The following RNF150 variants were observed in gnomAD, a reference collection of about 807,000 sequenced individuals.
RNF150 encodes the protein ring finger protein 150.
Under a neutral mutation model 39.3 loss-of-function variants are expected in RNF150, and 24 were observed. The ratio of observed to expected loss-of-function variants is 0.61; its 90% CI spans 0.44 to 0.86. The LOEUF (loss-of-function observed/expected upper bound fraction) is 0.86. RNF150 is among the 40% of genes least tolerant of loss of function. RNF150 has a pLI of 0.00. For missense variants in RNF150, 502 were observed against 587.8 expected (o/e 0.85, Z 1.51); for synonymous variants, 255 against 227.3 (o/e 1.12, Z -1.10).
At chr4:141,050,652 C>T (rs2110888587) in intron 1 of RNF150, among the ~76,000 whole-genome samples, 1 of 152,304 alleles carries the variant, frequency 6.6e-6, no homozygotes, top group Non-Finnish European at 1.5e-5. Context: ...CCTTTGACTC[C>T]ATGTCTTACA....
At chr4:141,035,906 C>G (rs750775285) in intron 1 of RNF150, among the ~76,000 whole-genome samples, 1 of 151,990 alleles carries the variant, frequency 6.6e-6, no homozygotes, top group Non-Finnish European at 1.5e-5. Context: ...CGAAATAACA[C>G]GACATAACAT....
At chr4:140,986,987 T>G (rs13143140) in intron 1 of RNF150, among the ~76,000 whole-genome samples, 1 of 151,856 alleles carries the variant, frequency 6.6e-6, no homozygotes, top group South Asian at 2.1e-4. Flanking sequence ...ACCGTTCAAG[T>G]TGAGAGCCAA....
At chr4:141,148,928 C>T (rs1425312014) in intron 1 of RNF150, among the ~76,000 whole-genome samples, 2 of 152,186 alleles carry the variant, frequency 1.3e-5, no homozygotes, top group East Asian at 3.8e-4. Context: ...TCCTCCTCAG[C>T]TCCTGGCTTT....
intron 1 of RNF150, among the ~76,000 whole-genome samples, chr4:141,142,851 T>C (rs1727143331): frequency 6.6e-6 from 1 of 151,952 alleles, no homozygotes; most frequent in African/African-American, 2.4e-5. Context: ...TCTACCCCCA[T>C]TCTAGGTATC....
intron 1 of RNF150, among the ~76,000 whole-genome samples, chr4:141,087,210 C>T (rs1469209169): frequency 6.6e-6 from 1 of 152,102 alleles, no homozygotes; most frequent in Non-Finnish European, 1.5e-5. Flanking sequence ...TCATTTAGCT[C>T]GCACTTATAA....
At chr4:141,178,587 C>T (rs575171130) in intron 1 of RNF150, among the ~76,000 whole-genome samples, 3 of 152,222 alleles carry the variant, frequency 2.0e-5, no homozygotes, top group African/African-American at 7.2e-5. Context: ...AAGATTCCCA[C>T]TTTTCCTTCA....
rs990079547 is a variant in RNF150 at position 140,866,805 on chromosome 4, T to C, written c.*1456A>G. The stretch of plus-strand genomic sequence containing the variant: ...AGAGATAAGGTGATCCGTCTGATTG[T>C]TCAGAGACGCTATCAATGACCTTAG... On this transcript the variant is annotated 3_prime_UTR_variant, in exon 7 of 7. Transcript: ENST00000515673. 14 of 151,940 alleles carry C rather than the reference T, an allele frequency of 9.2e-5. No homozygotes were observed. The highest frequency in any genetic ancestry group is 2.7e-4 in the African/African-American group (11 of 41,346). 9.4% of individuals were successfully genotyped at this position (151,940 alleles called of 1,614,324 possible). A position where few individuals can be genotyped will look rare whatever the true frequency, so the allele number is the denominator to read the frequency against.
chr4:141,132,934 G>T lies in RNF150; in HGVS notation c.-126C>A. 1 of 736,130 alleles carries T rather than the reference G, an allele frequency of 1.4e-6. No individual in the cohort carries two copies. The highest frequency in any genetic ancestry group is 2.1e-6 in the Non-Finnish European group (1 of 478,456). The allele number at this position is 736,130 out of a possible 1,614,324, so 45.6% of individuals were successfully genotyped here. Reference sequence around the variant, plus strand: ...TGCTGCTCACTCCCGGGCCGGAGGGGCCGCGGCCGGGACGCGCAGCCGCCG... The same window carrying T: ...TGCTGCTCACTCCCGGGCCGGAGGGTCCGCGGCCGGGACGCGCAGCCGCCG... On this transcript the variant is annotated 5_prime_UTR_variant, in exon 1 of 7. Coordinates refer to ENST00000515673, the MANE Select transcript of RNF150 (RefSeq NM_020724.2). This position sits in a 1 kb window ranked among gnomAD's most constrained non-coding sequence, Gnocchi z 4.9.
At chr4:140,916,981 C>T (rs1264591505) in intron 5 of RNF150, among the ~76,000 whole-genome samples, 1 of 152,122 alleles carries the variant, frequency 6.6e-6, no homozygotes, top group Non-Finnish European at 1.5e-5. Flanking sequence ...CCTTTACAGA[C>T]AAGCAAATGC....
chr4:141,201,502 T>G (rs1018040644), intron 1 of RNF150, among the ~76,000 whole-genome samples: 3 of 151,688 alleles, frequency 2.0e-5, no homozygotes, highest in Non-Finnish European at 2.9e-5. Context: ...TTGGTGTGTC[T>G]TCCAGAAGGT....
intron 1 of RNF150, among the ~76,000 whole-genome samples, chr4:141,013,315 G>A (rs1735145342): frequency 6.6e-6 from 1 of 152,166 alleles, no homozygotes; most frequent in Admixed American, 6.5e-5. Context: ...GATAATTTCT[G>A]AAGCTGTATT....
chr4:141,200,719 A>G (rs1424640668), intron 1 of RNF150, among the ~76,000 whole-genome samples: 1 of 152,238 alleles, frequency 6.6e-6, no homozygotes, highest in Non-Finnish European at 1.5e-5. Context: ...AAAAAAATGT[A>G]TGAAAATAAA....
chr4:141,058,518 G>A (rs1737083548), intron 1 of RNF150, among the ~76,000 whole-genome samples: 1 of 152,068 alleles, frequency 6.6e-6, no homozygotes, highest in Admixed American at 6.6e-5. Flanking sequence ...AGTAACAGTT[G>A]CCGAATATTC....
At chr4:140,999,985 A>AAG (rs1734552461) in intron 1 of RNF150, among the ~76,000 whole-genome samples, 1 of 38,952 alleles carries the variant, frequency 2.6e-5, no homozygotes, top group Non-Finnish European at 5.7e-5. Context: ...GAAAAGAAGA[A>AAG]AAGAAGAAAA....
chr4:141,174,909 C>G (rs533342350), intron 1 of RNF150, among the ~76,000 whole-genome samples: 1 of 150,140 alleles, frequency 6.7e-6, no homozygotes, highest in East Asian at 2.0e-4. Context: ...AAAAAAACCT[C>G]TGTACCAACT....
chr4:140,896,116 G>A lies in RNF150; in HGVS notation c.1198+15028C>T, dbSNP rs1729932355. Among the ~76,000 whole-genome samples, 3 of 97,720 alleles carry A rather than the reference G, an allele frequency of 3.1e-5. No homozygotes were observed. In the Admixed American group the frequency reaches 3.6e-4, roughly 12 times the overall value. 64.1% of individuals were successfully genotyped at this position (97,720 alleles called of 152,430 possible). A position where few individuals can be genotyped will look rare whatever the true frequency, so the allele number is the denominator to read the frequency against. On this transcript the variant is annotated intron_variant, in intron 6 of 6. Coordinates refer to ENST00000515673, the MANE Select transcript of RNF150 (RefSeq NM_020724.2). ...ACTGTAAACTAGTTCAACCATTGTG[G>A]AAGTCAGTGTGGCGATTCCTCAGGG...
At chr4:141,113,003 C>A (rs1020635988) in intron 1 of RNF150, among the ~76,000 whole-genome samples, 1 of 151,764 alleles carries the variant, frequency 6.6e-6, no homozygotes, top group Non-Finnish European at 1.5e-5. Context: ...ACCTTTCTTC[C>A]GCTTGATCTA....
At chr4:140,962,415 GTA>G (rs1046150619) in intron 2 of RNF150, among the ~76,000 whole-genome samples, 2 of 150,950 alleles carry the variant, frequency 1.3e-5, no homozygotes, top group South Asian at 2.1e-4. Context: ...ATGAAGATGT[GTA>G]TATATATATT....
intron 5 of RNF150, among the ~76,000 whole-genome samples, chr4:140,916,871 G>A (rs1378695783): frequency 6.6e-6 from 1 of 152,182 alleles, no homozygotes; most frequent in East Asian, 1.9e-4. Context: ...AGCCAGAAGA[G>A]AGTGGGAGCC....
Sources: gnomAD v4.1 joint callset for allele counts (sites outside exome capture counted in the v4.1 genomes callset) on GRCh38, gnomAD v4.1.1 for gene constraint, Gnocchi (gnomAD v3.1) non-coding constraint, MANE v1.5 for transcripts, NCBI Gene and HGNC (gene_info 2026-07-23, HGNC 2026-07-21) for gene names.